PHACTR1: variants seen among roughly 807,000 people sequenced by gnomAD.
The protein encoded by PHACTR1 is RPEL repeat containing 1.
PHACTR1 carries 16 observed loss-of-function variants against 69.2 expected under a neutral mutation model. That is an observed-to-expected ratio of 0.23 (90% confidence interval 0.16 to 0.35). The LOEUF is 0.35. Among genes scored for constraint, PHACTR1 ranks in the 10% least tolerant of loss-of-function variants. PHACTR1 has a pLI of 1.00. For missense variants in PHACTR1, 510 were observed against 734.7 expected, an observed-to-expected ratio of 0.69 and a Z score of 3.54; for synonymous variants, 312 against 284.5, an observed-to-expected ratio of 1.10 and a Z score of -0.97.
intron 6 of PHACTR1, among the ~76,000 whole-genome samples, chr6:13,161,763 G>A (rs114244291): frequency 1.9e-3 from 292 of 152,236 alleles, no homozygotes; most frequent in African/African-American, 6.2e-3. Context: ...GGCCTTCCCC[G>A]TGGTACTTTT....
chr6:12,856,547 T>C (rs1030140333), intron 4 of PHACTR1, among the ~76,000 whole-genome samples: 5 of 152,214 alleles, frequency 3.3e-5, no homozygotes, highest in African/African-American at 1.2e-4. Context: ...TGAGCCACTG[T>C]GCCTGGCCCA....
chr6:12,749,928 C>G, intron 4 of PHACTR1, 138 bp downstream of exon 4: 1 of 813,496 alleles, frequency 1.2e-6, no homozygotes, highest in Non-Finnish European at 1.8e-6. Flanking sequence ...CTTTGTGTCT[C>G]CGGTGCGCAG....
chr6:13,064,062 A>C (rs924010777), intron 5 of PHACTR1, among the ~76,000 whole-genome samples: 2 of 152,188 alleles, frequency 1.3e-5, no homozygotes, highest in African/African-American at 4.8e-5. Flanking sequence ...TAATGAGAGA[A>C]AATTTACTTG....
chr6:13,190,023 C>CT (rs56040224), intron 7 of PHACTR1, among the ~76,000 whole-genome samples: 39,661 of 123,734 alleles, frequency 0.32, 6,880 homozygotes, highest in East Asian at 0.52. Context: ...ATCTCTTCTG[C>CT]TTTTTTTTTT....
chr6:12,855,228 C>T (rs1246439102), intron 4 of PHACTR1, among the ~76,000 whole-genome samples: 3 of 152,176 alleles, frequency 2.0e-5, no homozygotes, highest in East Asian at 1.9e-4. Flanking sequence ...TGGCCGGGTG[C>T]CATAGCCCAT....
intron 4 of PHACTR1, among the ~76,000 whole-genome samples, chr6:12,952,730 A>G (rs1175897343): frequency 6.6e-6 from 1 of 152,006 alleles, no homozygotes; most frequent in Non-Finnish European, 1.5e-5. Flanking sequence ...TGTAGATACC[A>G]AGGAACAGGA....
chr6:13,079,094 TCC>T (rs1376967857), intron 5 of PHACTR1, among the ~76,000 whole-genome samples: 17 of 152,188 alleles, frequency 1.1e-4, no homozygotes, highest in Admixed American at 1.0e-3. Context: ...TTTTTCCAGA[TCC>T]ACCTTCATCC....
chr6:12,730,531 T>C (rs1426110297), intron 3 of PHACTR1, among the ~76,000 whole-genome samples: 1 of 151,682 alleles, frequency 6.6e-6, no homozygotes. Flanking sequence ...CTATAGCTTG[T>C]TCTAAAATGC....
chr6:12,769,548 A>T (rs540493697), intron 4 of PHACTR1, among the ~76,000 whole-genome samples: 2 of 152,320 alleles, frequency 1.3e-5, no homozygotes, highest in Admixed American at 6.5e-5. Flanking sequence ...CTTCTGGGAT[A>T]AACTGGGGAT....
At chr6:13,203,078 G>T (rs1198198778) in intron 7 of PHACTR1, among the ~76,000 whole-genome samples, 2 of 152,234 alleles carry the variant, frequency 1.3e-5, no homozygotes, top group African/African-American at 4.8e-5. Flanking sequence ...CAGAAGTTTA[G>T]TGTCCATATG....
chr6:13,156,875 C>T (rs746593), intron 5 of PHACTR1, among the ~76,000 whole-genome samples: 45,974 of 151,962 alleles, frequency 0.3, 8,962 homozygotes, highest in African/African-American at 0.56. Context: ...CACCTTCACA[C>T]GTCTTGGGTG....
intron 4 of PHACTR1, among the ~76,000 whole-genome samples, chr6:12,867,028 T>C (rs1781531414): frequency 6.6e-6 from 1 of 151,874 alleles, no homozygotes; most frequent in Non-Finnish European, 1.5e-5. Context: ...TTGGAACCTG[T>C]AGTGAAGAGA....
At chr6:13,075,857 C>T (rs573662452) in intron 5 of PHACTR1, among the ~76,000 whole-genome samples, 2 of 152,048 alleles carry the variant, frequency 1.3e-5, no homozygotes, top group Non-Finnish European at 2.9e-5. Flanking sequence ...CTGCAGCAAG[C>T]TTGGAAAACA....
chr6:12,825,123 A>G (rs1776645906), intron 4 of PHACTR1, among the ~76,000 whole-genome samples: 1 of 152,184 alleles, frequency 6.6e-6, no homozygotes, highest in South Asian at 2.1e-4. Context: ...CCACACACAC[A>G]CACACAGACA....
chr6:12,743,172 G>T (rs1262051261), intron 3 of PHACTR1, among the ~76,000 whole-genome samples: 7 of 141,348 alleles, frequency 5.0e-5, no homozygotes, highest in Non-Finnish European at 9.2e-5. Flanking sequence ...AATAAGCAGG[G>T]TTAGTCTAAA....
intron 4 of PHACTR1, among the ~76,000 whole-genome samples, chr6:12,963,480 G>A (rs1442802582): frequency 1.3e-5 from 2 of 151,452 alleles, no homozygotes; most frequent in Non-Finnish European, 2.9e-5. Flanking sequence ...ACCAACTGAC[G>A]ATGGTGAAAA....
At chr6:13,053,657 C>T in intron 5 of PHACTR1, 128 bp downstream of exon 5, 1 of 1,151,320 alleles carries the variant, frequency 8.7e-7, no homozygotes, top group Non-Finnish European at 1.2e-6. Flanking sequence ...TGGAATGGCT[C>T]TTGTCTTTAA....
intron 4 of PHACTR1, among the ~76,000 whole-genome samples, chr6:12,808,409 A>G (rs1189274232): frequency 6.6e-6 from 1 of 152,218 alleles, no homozygotes; most frequent in Non-Finnish European, 1.5e-5. Context: ...CAACAAATCC[A>G]CCCATAAAAA....
Position 12,789,327 on chromosome 6 carries a change from C to G in PHACTR1, c.250+39537C>G, listed in dbSNP as rs552179833. 3.5e-4 allele frequency among the ~76,000 whole-genome samples: 53 copies of G among 152,128 alleles called. 1 individual carries two copies. Among genetic ancestry groups the G allele is most frequent in the Non-Finnish European group, 6.0e-4 (41 of 68,024 alleles). On this transcript the variant is annotated intron_variant, in intron 4 of 14. Coordinates refer to ENST00000332995, the MANE Select transcript of PHACTR1 (RefSeq NM_030948.6). ...CCAGGACAGCCCCCTCTGTTAGATT[C>G]TCTCAAGCCATCGATTACTTATTCC...
Sources: gnomAD v4.1 joint callset for allele counts (sites outside exome capture counted in the v4.1 genomes callset) on GRCh38, gnomAD v4.1.1 for gene constraint, MANE v1.5 for transcripts, NCBI Gene and HGNC (gene_info 2026-07-23, HGNC 2026-07-21) for gene names.